KCNC2: variants seen among roughly 807,000 people sequenced by gnomAD.
KCNC2 encodes potassium voltage-gated channel subfamily C member 2.
In KCNC2, 21 loss-of-function variants were observed where a neutral mutation model predicts 44.5. The observed-to-expected ratio is 0.47, with a 90% CI of 0.33 to 0.68. The LOEUF is 0.68. Among genes scored for constraint, KCNC2 ranks in the 30% least tolerant of loss-of-function variants. The pLI is 0.01. For missense variants in KCNC2, 589 were observed against 826.2 expected (o/e 0.71, Z 3.52); for synonymous variants, 391 against 339.1 (o/e 1.15, Z -1.68).
intron 2 of KCNC2, among the ~76,000 whole-genome samples, chr12:75,106,223 A>T (rs1436623005): frequency 6.6e-6 from 1 of 152,182 alleles, no homozygotes; most frequent in Non-Finnish European, 1.5e-5. Context: ...GTGAACTTGA[A>T]AAGAGCAGTC....
In KCNC2 at chr12:75,123,411, AAAAC is replaced by A. The variant is rs201460373; in HGVS notation, c.688-72098_688-72095del. 9.4e-3 allele frequency among the ~76,000 whole-genome samples: 1,436 copies of A among 152,346 alleles called. 25 individuals are homozygous for A. Among genetic ancestry groups the A allele is most frequent in the African/African-American group, 0.032 (1,350 of 41,572 alleles). ...TAAAAATACACTTAAGGAGAAGAGCAAAACAAACAGTTTGGTATCCACCCGTCAT... is the reference window on the plus strand; with the variant it reads ...TAAAAATACACTTAAGGAGAAGAGCAAAACAGTTTGGTATCCACCCGTCAT... On this transcript the variant is annotated intron_variant, in intron 2 of 4. Coordinates refer to ENST00000549446, the MANE Select transcript of KCNC2 (RefSeq NM_139137.4).
intron 2 of KCNC2, among the ~76,000 whole-genome samples, chr12:75,133,564 A>C (rs1271573872): frequency 6.6e-6 from 1 of 152,034 alleles, no homozygotes; most frequent in East Asian, 1.9e-4. Flanking sequence ...CAAATATCTT[A>C]GCATGATCCT....
chr12:75,071,061 G>A (rs1291942803), intron 2 of KCNC2, among the ~76,000 whole-genome samples: 3 of 151,826 alleles, frequency 2.0e-5, no homozygotes, highest in Non-Finnish European at 2.9e-5. Flanking sequence ...TATTTTGCAG[G>A]ATTGGCGTTG....
At chr12:75,097,214 T>C (rs1240294276) in intron 2 of KCNC2, among the ~76,000 whole-genome samples, 2 of 151,952 alleles carry the variant, frequency 1.3e-5, no homozygotes, top group East Asian at 3.9e-4. Context: ...CTGGGCACAG[T>C]AAAAAGATCT....
chr12:75,144,620 TTGTGTG>T (rs71650077), intron 2 of KCNC2, among the ~76,000 whole-genome samples: 1 of 146,480 alleles, frequency 6.8e-6, no homozygotes, highest in Non-Finnish European at 1.5e-5. Flanking sequence ...GGGTGTACTT[TTGTGTG>T]TGTGTGTGTG....
intron 2 of KCNC2, among the ~76,000 whole-genome samples, chr12:75,176,487 G>A (rs977546858): frequency 6.6e-6 from 1 of 151,846 alleles, no homozygotes. Context: ...CACATTTTCC[G>A]ATTTAATTCA....
intron 2 of KCNC2, among the ~76,000 whole-genome samples, chr12:75,125,694 C>G (rs1448442260): frequency 6.6e-6 from 1 of 152,202 alleles, no homozygotes. Context: ...TAGGGTCAGT[C>G]ATGAGAAGAA....
intron 2 of KCNC2, among the ~76,000 whole-genome samples, chr12:75,098,382 G>A (rs1392526646): frequency 6.6e-6 from 1 of 152,118 alleles, no homozygotes; most frequent in Non-Finnish European, 1.5e-5. Flanking sequence ...ATAGAAGACT[G>A]CAGAAAAGCC....
At chr12:75,125,309 A>C (rs575050783) in intron 2 of KCNC2, among the ~76,000 whole-genome samples, 10 of 98,340 alleles carry the variant, frequency 1.0e-4, no homozygotes, top group African/African-American at 7.7e-4. Context: ...ACAAAAGCAC[A>C]AATACAGATT....
At chr12:75,140,041 T>A (rs541519802) in intron 2 of KCNC2, 5 of 152,310 alleles carry the variant, frequency 3.3e-5, no homozygotes, top group Admixed American at 2.6e-4. Context: ...TAACTAGGGA[T>A]TCTGCAATTT....
intron 4 of KCNC2, among the ~76,000 whole-genome samples, chr12:75,045,346 G>A (rs947236958): frequency 6.6e-6 from 1 of 151,748 alleles, no homozygotes. Context: ...CTGAATTATA[G>A]TTTTACTATA....
intron 2 of KCNC2, among the ~76,000 whole-genome samples, chr12:75,156,550 C>G (rs1382529345): frequency 6.6e-6 from 1 of 151,758 alleles, no homozygotes; most frequent in African/African-American, 2.4e-5. Flanking sequence ...GTATTAAATT[C>G]AAATCTTGAT....
At chr12:75,156,375 G>A (rs1245295635) in intron 2 of KCNC2, among the ~76,000 whole-genome samples, 2 of 151,646 alleles carry the variant, frequency 1.3e-5, no homozygotes, top group Non-Finnish European at 2.9e-5. Context: ...AATTTTCAGT[G>A]CCCATAAATA....
chr12:75,051,713 T>C (rs1451629980), intron 2 of KCNC2, among the ~76,000 whole-genome samples: 4 of 152,196 alleles, frequency 2.6e-5, no homozygotes, highest in Middle Eastern at 3.4e-3. Flanking sequence ...TATGATCAAG[T>C]TTTAAACCTT....
intron 2 of KCNC2, among the ~76,000 whole-genome samples, chr12:75,177,352 T>C (rs1181457603): frequency 6.6e-6 from 1 of 151,972 alleles, no homozygotes; most frequent in Non-Finnish European, 1.5e-5. Context: ...TCCCAATAGT[T>C]TTAAATTGTT....
At chr12:75,137,191 T>C (rs890104228) in intron 2 of KCNC2, among the ~76,000 whole-genome samples, 1 of 152,150 alleles carries the variant, frequency 6.6e-6, no homozygotes, top group Non-Finnish European at 1.5e-5. Context: ...CATTGACATT[T>C]AAGTATGCAT....
intron 2 of KCNC2, among the ~76,000 whole-genome samples, chr12:75,069,127 A>ATCTTTTTTT (rs1883127715): frequency 2.9e-5 from 1 of 33,902 alleles, no homozygotes; most frequent in African/African-American, 9.5e-5. Flanking sequence ...ATTTTATATA[A>ATCTTTTTTT]TCTTTTTTTT....
chr12:75,153,472 G>A (rs1890546193), intron 2 of KCNC2, among the ~76,000 whole-genome samples: 1 of 151,836 alleles, frequency 6.6e-6, no homozygotes, highest in Admixed American at 6.6e-5. Context: ...TGGAAGGGTG[G>A]GAGGGTGAGA....
intron 4 of KCNC2, among the ~76,000 whole-genome samples, chr12:75,045,639 T>C (rs1051886800): frequency 2.6e-5 from 4 of 151,962 alleles, no homozygotes; most frequent in African/African-American, 9.6e-5. Flanking sequence ...GCATTCATTT[T>C]AAATAATTCT....
Sources: allele counts gnomAD v4.1 joint callset (sites outside exome capture counted in the v4.1 genomes callset), GRCh38; gene constraint gnomAD v4.1.1; transcripts MANE v1.5; gene names NCBI Gene and HGNC (gene_info 2026-07-23, HGNC 2026-07-21).